The following SH3BGRL variants were observed in gnomAD, a reference collection of about 807,000 sequenced individuals.
SH3BGRL encodes the protein adapter SH3BGRL.
Under a neutral mutation model 9.8 loss-of-function variants are expected in SH3BGRL, and 7 were observed. The ratio of observed to expected loss-of-function variants is 0.72; its 90% CI spans 0.41 to 1.35. SH3BGRL has a LOEUF of 1.35. Ranked by LOEUF, SH3BGRL falls within the 40% of genes most tolerant of loss-of-function variation. The probability of loss-of-function intolerance (pLI) is 0.01; values close to 1 mark genes in which losing one functional copy is unlikely to be tolerated. For missense variants in SH3BGRL, 73 were observed against 84.4 expected, an observed-to-expected ratio of 0.86 and a Z score of 0.53; for synonymous variants, 36 against 29.1, an observed-to-expected ratio of 1.24 and a Z score of -0.76.
chrX:81,259,326 TGGA>T (rs1289555828), intron 1 of SH3BGRL, among the ~76,000 whole-genome samples: 1 of 112,033 alleles, frequency 8.9e-6, no homozygotes, highest in Non-Finnish European at 1.9e-5. Context: ...GGTGGTGAGT[TGGA>T]GAACATCTTA....
intron 1 of SH3BGRL, among the ~76,000 whole-genome samples, chrX:81,253,840 A>T (rs1602612854): frequency 8.9e-6 from 1 of 112,004 alleles, no homozygotes; most frequent in East Asian, 2.8e-4. Context: ...AATATCCTTG[A>T]AAGATATAGT....
intron 3 of SH3BGRL, among the ~76,000 whole-genome samples, chrX:81,285,916 C>A (rs1369839474): frequency 9.0e-6 from 1 of 111,703 alleles, no homozygotes; most frequent in Admixed American, 9.5e-5. Flanking sequence ...CTATTCTCTA[C>A]TTTTAAATAA....
chrX:81,202,262 G>T lies in SH3BGRL; in HGVS notation c.45+17G>T. 1 of 1,191,990 alleles carries T rather than the reference G, an allele frequency of 8.4e-7. No individual in the cohort carries two copies. Among genetic ancestry groups the T allele is most frequent in the Non-Finnish European group, 1.1e-6 (1 of 881,668 alleles). On this transcript the variant is annotated intron_variant, in intron 1 of 3. Coordinates refer to ENST00000373212, the MANE Select transcript of SH3BGRL (RefSeq NM_003022.3). ...TCTACAGCGGTAAGGAGAGTGGGGA[G>T]TCCACCTTTGTTGTTTTCCTACACA...
intron 1 of SH3BGRL, among the ~76,000 whole-genome samples, chrX:81,251,836 A>C (rs993722035): frequency 8.9e-6 from 1 of 112,339 alleles, no homozygotes; most frequent in Non-Finnish European, 1.9e-5. Flanking sequence ...TTTCATAGAA[A>C]CATGAACTGA....
At position 81,260,980 on chromosome X, in the gene SH3BGRL, AAAAG is replaced by A. The variant is rs765786479; in HGVS notation, c.46-16003_46-16000del. Reference sequence around the variant, plus strand: ...TTGTGTACATACTCATTTGGATAAAAAAAGGAAGCAAAATCACAGACTGGTAAGT... The same window carrying A: ...TTGTGTACATACTCATTTGGATAAAAGAAGCAAAATCACAGACTGGTAAGT... On this transcript the variant is annotated intron_variant, in intron 1 of 3. Transcript: ENST00000373212. Among the ~76,000 whole-genome samples, 9 of 109,163 alleles carry A rather than the reference AAAAG, an allele frequency of 8.2e-5. No individual in the cohort carries two copies. The East Asian group carries it at 2.8e-3, about 34-fold the overall frequency. 94.8% of individuals were successfully genotyped at this position (109,163 alleles called of 115,157 possible).
intron 2 of SH3BGRL, among the ~76,000 whole-genome samples, chrX:81,278,022 G>T (rs1770883816): frequency 9.0e-6 from 1 of 111,649 alleles, no homozygotes; most frequent in African/African-American, 3.3e-5. Flanking sequence ...GAGTGCAGTG[G>T]GGTGATCTTG....
chrX:81,292,394 G>A (rs909404513), intron 3 of SH3BGRL, among the ~76,000 whole-genome samples: 3 of 111,634 alleles, frequency 2.7e-5, no homozygotes, highest in South Asian at 3.8e-4. Context: ...TGTAGCTGGA[G>A]TGGCTGGAAC....
chrX:81,248,867 C>A (rs946262872), intron 1 of SH3BGRL, among the ~76,000 whole-genome samples: 2 of 111,527 alleles, frequency 1.8e-5, no homozygotes, highest in African/African-American at 6.5e-5. Context: ...AAAGATGAAT[C>A]ATAGGGAGAG....
chrX:81,257,791 G>A (rs761933871), intron 1 of SH3BGRL, among the ~76,000 whole-genome samples: 17 of 110,947 alleles, frequency 1.5e-4, no homozygotes, highest in Non-Finnish European at 2.3e-4. Context: ...AACACCAGGA[G>A]GTGGGGAACA....
At chrX:81,252,400 T>C (rs1010581090) in intron 1 of SH3BGRL, among the ~76,000 whole-genome samples, 1 of 112,146 alleles carries the variant, frequency 8.9e-6, no homozygotes, top group Non-Finnish European at 1.9e-5. Context: ...ATAAATCATC[T>C]AAGATACTTT....
At chrX:81,276,145 A>T (rs1366698884) in intron 1 of SH3BGRL, among the ~76,000 whole-genome samples, 1 of 110,631 alleles carries the variant, frequency 9.0e-6, no homozygotes, top group Non-Finnish European at 1.9e-5. Context: ...ATGTGTGAAT[A>T]CAGGTTCTAA....
At position 81,243,025 on chromosome X, in the gene SH3BGRL, TCTA is replaced by T. The variant is rs1410576993; in HGVS notation, c.46-33956_46-33954del. Among the ~76,000 whole-genome samples the T allele has an allele frequency of 6.2e-5, 7 of 112,155 alleles. No homozygotes were observed. In the South Asian group the frequency reaches 1.9e-3, roughly 30 times the overall value. On this transcript the variant is annotated intron_variant, in intron 1 of 3. Coordinates refer to ENST00000373212, the MANE Select transcript of SH3BGRL (RefSeq NM_003022.3). Reference sequence around the variant, plus strand: ...TAGAGATAACACATGATTCAGCAATTCTACTGCTGGATATATACCCCAAAGAAA... The same window carrying T: ...TAGAGATAACACATGATTCAGCAATTCTGCTGGATATATACCCCAAAGAAA...
intron 1 of SH3BGRL, among the ~76,000 whole-genome samples, chrX:81,210,397 ATAAT>A (rs2075559665): frequency 8.9e-6 from 1 of 111,743 alleles, no homozygotes; most frequent in Non-Finnish European, 1.9e-5. Flanking sequence ...ACAAGCATAT[ATAAT>A]TACTTAATTT....
intron 1 of SH3BGRL, among the ~76,000 whole-genome samples, chrX:81,224,387 C>A (rs1240296995): frequency 2.7e-5 from 3 of 111,685 alleles, no homozygotes; most frequent in South Asian, 3.7e-4. Context: ...ATGACCTTAA[C>A]TCTACTTCCT....
chrX:81,254,013 C>A (rs939468127), intron 1 of SH3BGRL, among the ~76,000 whole-genome samples: 1 of 111,378 alleles, frequency 9.0e-6, no homozygotes, highest in African/African-American at 3.3e-5. Flanking sequence ...GCCCAGGGGT[C>A]TCGTGTTATC....
chrX:81,202,804 A>G (rs2075533836), intron 1 of SH3BGRL: 1 of 114,232 alleles, frequency 8.8e-6, no homozygotes, highest in Non-Finnish European at 1.8e-5. Context: ...TGTTAGAACT[A>G]GACAAATTGG....
intron 1 of SH3BGRL, among the ~76,000 whole-genome samples, chrX:81,245,413 A>G (rs1283227228): frequency 1.8e-5 from 2 of 111,620 alleles, no homozygotes; most frequent in African/African-American, 3.3e-5. Context: ...ATAGGTATGT[A>G]TATATTTTTT....
At chrX:81,270,720 G>A (rs1401587499) in intron 1 of SH3BGRL, among the ~76,000 whole-genome samples, 2 of 112,047 alleles carry the variant, frequency 1.8e-5, no homozygotes, top group Non-Finnish European at 3.8e-5. Context: ...TCTGTTATTG[G>A]AGCTCGAACA....
At chrX:81,248,341 T>C (rs1264403590) in intron 1 of SH3BGRL, among the ~76,000 whole-genome samples, 1 of 112,258 alleles carries the variant, frequency 8.9e-6, no homozygotes, top group Non-Finnish European at 1.9e-5. Flanking sequence ...GATTTTTGTT[T>C]ACTGAGAGAC....
Sources: gnomAD v4.1 joint callset for allele counts (sites outside exome capture counted in the v4.1 genomes callset) on GRCh38, gnomAD v4.1.1 for gene constraint, MANE v1.5 for transcripts, NCBI Gene and HGNC (gene_info 2026-07-23, HGNC 2026-07-21) for gene names.